The following ZKSCAN7 variants were observed in gnomAD, a reference collection of about 807,000 sequenced individuals.
ZKSCAN7 encodes the protein zinc finger protein with KRAB and SCAN domains 7.
ZKSCAN7 carries 38 observed loss-of-function variants against 65.3 expected under a neutral mutation model. The ratio of observed to expected loss-of-function variants is 0.58; its 90% confidence interval spans 0.45 to 0.76. The LOEUF (loss-of-function observed/expected upper bound fraction) is 0.76, where lower values mean the gene tolerates loss of function less well. Among genes scored for constraint, ZKSCAN7 ranks in the 30% least tolerant of loss-of-function variants. The pLI, the probability that ZKSCAN7 is intolerant of heterozygous loss-of-function variation, is 0.00. For synonymous variants in ZKSCAN7, 321 were observed against 321.0 expected (o/e 1.00, Z 0.00); for missense variants, 815 against 913.3 (o/e 0.89, Z 1.39).
At position 44,557,489 on chromosome 3, in the gene ZKSCAN7, A is replaced by G; in HGVS notation, c.423+19A>G. 1 of 1,613,312 alleles carries G rather than the reference A, an allele frequency of 6.2e-7. No individual in the cohort carries two copies. Among genetic ancestry groups the G allele is most frequent in the Non-Finnish European group, 8.5e-7 (1 of 1,179,776 alleles). On this transcript the variant is annotated intron_variant, in intron 2 of 5. Transcript: ENST00000426540. The stretch of plus-strand genomic sequence containing the variant: ...AGAGGAGGTGAGCAGTTGAGTCTAG[A>G]ATGGCGGCCTGATGCTTCTCTAATG...
chr3:44,560,313 T>G (rs1395602992), intron 2 of ZKSCAN7, among the ~76,000 whole-genome samples: 7 of 150,068 alleles, frequency 4.7e-5, no homozygotes, highest in Non-Finnish European at 8.9e-5. Context: ...AGCTTTTCCA[T>G]GGAAGTTTGC....
At chr3:44,582,720 T>C (rs1391764279) in intron 5 of ZKSCAN7, among the ~76,000 whole-genome samples, 1 of 152,148 alleles carries the variant, frequency 6.6e-6, no homozygotes, top group Non-Finnish European at 1.5e-5. Context: ...TAGTGACCCT[T>C]ACGTTCTCTA....
At chr3:44,567,312 G>T (rs1012450934) in intron 3 of ZKSCAN7, among the ~76,000 whole-genome samples, 1 of 152,114 alleles carries the variant, frequency 6.6e-6, no homozygotes, top group Non-Finnish European at 1.5e-5. Context: ...TGTTGTACAT[G>T]CTGGTCTTGA....
At chr3:44,567,115 AAGAGAG>A (rs560493249) in intron 3 of ZKSCAN7, among the ~76,000 whole-genome samples, 1 of 145,388 alleles carries the variant, frequency 6.9e-6, no homozygotes, top group African/African-American at 2.6e-5. Flanking sequence ...TCAAAACAAA[AAGAGAG>A]AGAGAGAGAG....
intron 3 of ZKSCAN7, among the ~76,000 whole-genome samples, chr3:44,567,190 GAA>G (rs1328102270): frequency 2.7e-5 from 4 of 150,442 alleles, no homozygotes; most frequent in Non-Finnish European, 4.4e-5. Flanking sequence ...AGAGAGAAAA[GAA>G]AGAGAGGGAG....
rs749552206 is a variant in ZKSCAN7 at position 44,571,444 on chromosome 3, A to G, written c.*69A>G. 1 of 1,602,788 alleles carries G rather than the reference A, an allele frequency of 6.2e-7. No individual in the cohort carries two copies. On this transcript the variant is annotated 3_prime_UTR_variant, in exon 6 of 6. Coordinates refer to ENST00000426540, the MANE Select transcript of ZKSCAN7 (RefSeq NM_001288590.2). ...CTGTCTTTATAAGCAGGATGCTCATAGTGGTTTCCCGGAGCCAGTAGTCAC... is the reference window on the plus strand; with the variant it reads ...CTGTCTTTATAAGCAGGATGCTCATGGTGGTTTCCCGGAGCCAGTAGTCAC...
chr3:44,570,171 A>G lies in ZKSCAN7; in HGVS notation c.1061A>G (p.Tyr354Cys). 1 of 1,614,240 alleles carries G rather than the reference A, an allele frequency of 6.2e-7. No homozygotes were observed. Among genetic ancestry groups the G allele is most frequent in the East Asian group, 2.2e-5 (1 of 44,890 alleles). ...AAGAAAAAATCCACAAAAGACAGAT[A>G]TGACAAATATAAGGAAGTTGGGGAA... is the stretch of plus-strand genomic sequence containing the variant. ...EDKKKSTKDRYDKYKEVGEHP... is the reference protein window; with the variant it reads ...EDKKKSTKDRCDKYKEVGEHP... The change falls in exon 6 of 6, where the codon TAT becomes TGT. Residue 354 changes from tyrosine to cysteine, a missense_variant. Physicochemically the swap from Tyr to Cys is radical, Grantham distance 194 (BLOSUM62 -2). This residue lies in a region of ZKSCAN7 where 578 missense variants were observed against 629.5 expected (regional missense o/e 0.92). Coordinates refer to ENST00000426540, the MANE Select transcript of ZKSCAN7 (RefSeq NM_001288590.2).
chr3:44,581,447 G>C (rs1002426617), intron 5 of ZKSCAN7, among the ~76,000 whole-genome samples: 1 of 152,168 alleles, frequency 6.6e-6, no homozygotes, highest in African/African-American at 2.4e-5. Context: ...CAGAGACTTT[G>C]TTTGACATCA....
rs1559429513 is a variant in ZKSCAN7, at chr3:44,570,886, T to C, written c.1776T>C (p.Ser592=). ...GTGGGAAAGCCTTCAATCAGAACTC[T>C]CAACTCATTGAGCATGAGCGAATTC... ...SECGKAFNQN[S]QLIEHERIHT... is the part of the protein sequence containing the mutation. The change falls in exon 6 of 6, where the codon TCT becomes TCC. Residue 592 remains serine, a synonymous_variant. Transcript: ENST00000426540. 8 of 1,613,850 alleles carry C rather than the reference T, an allele frequency of 5.0e-6. No homozygotes were observed. The highest frequency in any genetic ancestry group is 6.8e-6 in the Non-Finnish European group (8 of 1,179,978).
chr3:44,573,237 G>A (rs891253959), downstream of ZKSCAN7, among the ~76,000 whole-genome samples: 5 of 152,214 alleles, frequency 3.3e-5, no homozygotes, highest in African/African-American at 1.2e-4. Context: ...CCCAGATCTG[G>A]GGGACGTTTG....
At chr3:44,580,914 T>C (rs1700061757) in intron 5 of ZKSCAN7, 2 of 1,613,146 alleles carry the variant, frequency 1.2e-6, no homozygotes, top group East Asian at 2.2e-5. Context: ...CTGCGTCAGG[T>C]CCTCGTCGTT....
At chr3:44,578,138 A>G (rs6770567) in intron 5 of ZKSCAN7, 457,116 of 1,524,202 alleles carry the variant, frequency 0.3, 74,606 homozygotes, top group African/African-American at 0.42. Context: ...TTGCAGCCTT[A>G]AGCTGCTCTT....
chr3:44,564,635 G>T lies in ZKSCAN7; in HGVS notation c.424-852G>T, dbSNP rs889163381. ...GCTTCTCTGAAGAGGAGATACTTTTGCTCAGAGAAATTGGAAAAGCTCTCC... is the reference window on the plus strand; with the variant it reads ...GCTTCTCTGAAGAGGAGATACTTTTTCTCAGAGAAATTGGAAAAGCTCTCC... On this transcript the variant is annotated intron_variant, in intron 2 of 5. Coordinates refer to ENST00000426540, the MANE Select transcript of ZKSCAN7 (RefSeq NM_001288590.2). Among the ~76,000 whole-genome samples, 47 of 152,194 alleles carry T rather than the reference G, an allele frequency of 3.1e-4. 1 individual carries two copies. Among genetic ancestry groups the T allele is most frequent in the Non-Finnish European group, 4.6e-4 (31 of 68,042 alleles).
Position 44,568,303 on chromosome 3 carries a change from C to T in ZKSCAN7, c.685-4C>T. On this transcript the variant is annotated splice_region_variant and splice_polypyrimidine_tract_variant and intron_variant, in intron 4 of 5. Coordinates refer to ENST00000426540, the MANE Select transcript of ZKSCAN7 (RefSeq NM_001288590.2). ...TCCTGAGCGATTGGAGCTTGTCATT[C>T]CAGGATACTGTGGCATATGAGGACC... The T allele has an allele frequency of 6.2e-7, 1 of 1,611,312 alleles. No individual in the cohort carries two copies. The highest frequency in any genetic ancestry group is 8.5e-7 in the Non-Finnish European group (1 of 1,178,908).
Position 44,570,717 on chromosome 3 carries a change from G to A in ZKSCAN7, c.1607G>A (p.Arg536Lys), listed in dbSNP as rs369490311. Residue 536 changes from arginine to lysine, a missense_variant, in exon 6 of 6, where the codon AGA becomes AAA. This residue lies in a region of ZKSCAN7 where 578 missense variants were observed against 629.5 expected (regional missense o/e 0.92). Transcript: ENST00000426540. Reference sequence around the variant, plus strand: ...TGTGGGAGAGCATTCTGTTCCAATAGAAATCTCATTGACCATCAGAGAATC... The same window carrying A: ...TGTGGGAGAGCATTCTGTTCCAATAAAAATCTCATTGACCATCAGAGAATC... ...NECGRAFCSN[R>K]NLIDHQRIHT... 1.8e-4 allele frequency: 290 copies of A among 1,613,568 alleles called. No homozygotes were observed. Among genetic ancestry groups the A allele is most frequent in the Non-Finnish European group, 2.3e-4 (273 of 1,179,852 alleles).
At chr3:44,566,758 G>T (rs1406121676) in intron 3 of ZKSCAN7, among the ~76,000 whole-genome samples, 1 of 151,404 alleles carries the variant, frequency 6.6e-6, no homozygotes, top group Non-Finnish European at 1.5e-5. Flanking sequence ...CTCCCACCAT[G>T]GCCTCTTAGA....
At chr3:44,574,427 T>TA (rs1268188903), downstream of ZKSCAN7, among the ~76,000 whole-genome samples, 1 of 152,164 alleles carries the variant, frequency 6.6e-6, no homozygotes, top group Non-Finnish European at 1.5e-5. Flanking sequence ...TTATGCCACT[T>TA]ATGTTGTGCA....
Position 44,571,082 on chromosome 3 carries a change from A to G in ZKSCAN7, c.1972A>G (p.Thr658Ala). The change falls in exon 6 of 6, where the codon ACT (threonine) becomes GCT (alanine). Residue 658 changes from threonine to alanine, a missense_variant. By Grantham distance (58) the Thr-to-Ala change is moderately conservative (BLOSUM62 0). Around this residue, in one of 3 missense-constraint regions of ZKSCAN7, gnomAD observed 578 missense variants for 629.5 expected, o/e 0.92. Coordinates refer to ENST00000426540, the MANE Select transcript of ZKSCAN7 (RefSeq NM_001288590.2). ...CCTTATTATACACCAGAGAATTCAC[A>G]CTGGTGAGAAACCCTATGAATGTAA... ...SHLIIHQRIH[T>A]GEKPYECNEC... is the part of the protein sequence containing the mutation. The G allele has an allele frequency of 6.2e-7, 1 of 1,614,208 alleles. No individual in the cohort carries two copies. The highest frequency in any genetic ancestry group is 8.5e-7 in the Non-Finnish European group (1 of 1,180,032).
In ZKSCAN7 at chr3:44,571,777, C is replaced by T. The variant is rs1575377348; in HGVS notation, c.*402C>T. On this transcript the variant is annotated 3_prime_UTR_variant, in exon 6 of 6. Coordinates refer to ENST00000426540, the MANE Select transcript of ZKSCAN7 (RefSeq NM_001288590.2). ...AAAAGGCTGATTCATGCCTTCCTGC[C>T]TCTTGGCTATGGCCCTCCCCATCTA... is the stretch of plus-strand genomic sequence containing the variant. The T allele has an allele frequency of 9.8e-7, 1 of 1,018,286 alleles. No homozygotes were observed. Among genetic ancestry groups the T allele is most frequent in the East Asian group, 9.3e-5 (1 of 10,764 alleles). The allele number at this position is 1,018,286 out of a possible 1,614,324, so 63.1% of individuals were successfully genotyped here.
Sources: gnomAD v4.1 joint callset for allele counts (sites outside exome capture counted in the v4.1 genomes callset) on GRCh38, gnomAD v4.1.1 for gene constraint, gnomAD v4.1.1 regional missense constraint, MANE v1.5 for transcripts, NCBI Gene and HGNC (gene_info 2026-07-23, HGNC 2026-07-21) for gene names.